AGPAT4: variants seen among roughly 807,000 people sequenced by gnomAD.
AGPAT4 encodes 1-acylglycerol-3-phosphate O-acyltransferase 4.
AGPAT4 carries 15 observed loss-of-function variants against 48.0 expected under a neutral mutation model. That is an observed-to-expected ratio of 0.31 (90% CI 0.21 to 0.48). The LOEUF is 0.48. Ranked by LOEUF, AGPAT4 falls within the 20% of genes least tolerant of loss-of-function variation. AGPAT4 has a pLI of 0.99. For synonymous variants in AGPAT4, 178 were observed against 198.7 expected, an observed-to-expected ratio of 0.90 and a Z score of 0.88; for missense variants, 314 against 482.5, an observed-to-expected ratio of 0.65 and a Z score of 3.27.
Position 161,218,177 on chromosome 6 carries a change from G to A in AGPAT4, c.178+13859C>T, listed in dbSNP as rs1781708755. Among the ~76,000 whole-genome samples the A allele has an allele frequency of 6.6e-6, 1 of 152,190 alleles. No individual in the cohort carries two copies. The highest frequency in any genetic ancestry group is 2.1e-4 in the South Asian group (1 of 4,832). ...GCTCTCTACCCCCGTCCACAGTGAC[G>A]GTGCCAATGGTGCTGTGCTGGAAAA... On this transcript the variant is annotated intron_variant, in intron 2 of 8. Transcript: ENST00000320285. The surrounding 1 kb of genome is among the most constrained non-coding windows in gnomAD (Gnocchi z 4.7).
chr6:161,242,037 A>G lies in AGPAT4; in HGVS notation c.-89-9735T>C, dbSNP rs919292864. Reference sequence around the variant, plus strand: ...CGTGAGCCACAGCACCTGGCCAAAAATGTTTACAGTTAAACATCATAGGGC... The same window carrying G: ...CGTGAGCCACAGCACCTGGCCAAAAGTGTTTACAGTTAAACATCATAGGGC... On this transcript the variant is annotated intron_variant, in intron 1 of 8. Coordinates refer to ENST00000320285, the MANE Select transcript of AGPAT4 (RefSeq NM_020133.3). This position sits in a 1 kb window ranked among gnomAD's most constrained non-coding sequence, Gnocchi z 5.0. 1.3e-5 allele frequency among the ~76,000 whole-genome samples: 2 copies of G among 152,216 alleles called. No homozygotes were observed. The highest frequency in any genetic ancestry group is 2.9e-5 in the Non-Finnish European group (2 of 68,044).
In AGPAT4 at chr6:161,143,423, A is replaced by G. The variant is rs1426942452; in HGVS notation, c.843+3101T>C. Reference sequence around the variant, plus strand: ...AATTTGCACTATTAATGGCCAAGTTATAGTCCCTTCTGCAAATGTCAAATT... The same window carrying G: ...AATTTGCACTATTAATGGCCAAGTTGTAGTCCCTTCTGCAAATGTCAAATT... On this transcript the variant is annotated intron_variant, in intron 7 of 8. Transcript: ENST00000320285. The surrounding 1 kb of genome is among the most constrained non-coding windows in gnomAD (Gnocchi z 4.7). Among the ~76,000 whole-genome samples, 1 of 152,220 alleles carries G rather than the reference A, an allele frequency of 6.6e-6. No homozygotes were observed. Among genetic ancestry groups the G allele is most frequent in the Non-Finnish European group, 1.5e-5 (1 of 68,052 alleles).
intron 1 of AGPAT4, among the ~76,000 whole-genome samples, chr6:161,268,400 T>C (rs1783326781): frequency 6.6e-6 from 1 of 152,180 alleles, no homozygotes; most frequent in African/African-American, 2.4e-5. Flanking sequence ...GTTACATAGG[T>C]ATGCGTGTGC....
Position 161,145,456 on chromosome 6 carries a change from G to A in AGPAT4, c.843+1068C>T, listed in dbSNP as rs960321749. Reference sequence around the variant, plus strand: ...CAGTGATGGTATAAAGGCATCATCAGGGAAAAAAGGTATCAGGATCTTGAT... The same window carrying A: ...CAGTGATGGTATAAAGGCATCATCAAGGAAAAAAGGTATCAGGATCTTGAT... On this transcript the variant is annotated intron_variant, in intron 7 of 8. Transcript: ENST00000320285. 1.8e-4 allele frequency among the ~76,000 whole-genome samples: 28 copies of A among 151,574 alleles called. No homozygotes were observed. The South Asian group carries it at 4.8e-3, about 26-fold the overall frequency.
intron 3 of AGPAT4, among the ~76,000 whole-genome samples, chr6:161,162,849 G>A (rs957345243): frequency 6.6e-6 from 1 of 152,234 alleles, no homozygotes; most frequent in African/African-American, 2.4e-5. Context: ...ACCTGCTAAG[G>A]GAAAAAGATA....
rs371055419 is a variant in AGPAT4 at position 161,245,699 on chromosome 6, C to G, written c.-89-13397G>C. Among the ~76,000 whole-genome samples, 1 of 152,130 alleles carries G rather than the reference C, an allele frequency of 6.6e-6. No homozygotes were observed. Among genetic ancestry groups the G allele is most frequent in the South Asian group, 2.1e-4 (1 of 4,822 alleles). On this transcript the variant is annotated intron_variant, in intron 1 of 8. Transcript: ENST00000320285. This position sits in a 1 kb window ranked among gnomAD's most constrained non-coding sequence, Gnocchi z 5.2. ...GCCCCTCCCTCTCCTACTCACTGTC[C>G]GTGAAGTGCCCTCAATCCTTGAGTT...
Position 161,197,542 on chromosome 6 carries a change from G to T in AGPAT4, c.179-31125C>A, listed in dbSNP as rs1374555512. Among the ~76,000 whole-genome samples, 1 of 152,146 alleles carries T rather than the reference G, an allele frequency of 6.6e-6. No homozygotes were observed. The highest frequency in any genetic ancestry group is 1.5e-5 in the Non-Finnish European group (1 of 68,036). On this transcript the variant is annotated intron_variant, in intron 2 of 8. Transcript: ENST00000320285. The surrounding 1 kb of genome is among the most constrained non-coding windows in gnomAD (Gnocchi z 5.7). The stretch of plus-strand genomic sequence containing the variant: ...TCTCTCCTCCTGCCTCAGCCCTCTA[G>T]GAATGTACCGACTGATGTACGCATT...
rs371509445 is a variant in AGPAT4 at position 161,139,409 on chromosome 6, G to A, written c.1042+13C>T. On this transcript the variant is annotated intron_variant, in intron 8 of 8. Transcript: ENST00000320285. The surrounding 1 kb of genome is among the most constrained non-coding windows in gnomAD (Gnocchi z 9.1). ...TGCTGTCAGCACCCACCAGCCCCTT[G>A]CCCTCCACTCACCCACAAAGAAGAC... is the stretch of plus-strand genomic sequence containing the variant. The A allele has an allele frequency of 9.7e-5, 157 of 1,613,330 alleles. No homozygotes were observed. Among genetic ancestry groups the A allele is most frequent in the Non-Finnish European group, 1.3e-4 (150 of 1,179,504 alleles).
At chr6:161,176,209 T>C (rs1780422354) in intron 2 of AGPAT4, among the ~76,000 whole-genome samples, 2 of 152,196 alleles carry the variant, frequency 1.3e-5, no homozygotes, top group Admixed American at 1.3e-4. Context: ...TTCTGTCTCA[T>C]TGATCTGTCT....
At position 161,186,870 on chromosome 6, in the gene AGPAT4, G is replaced by A. The variant is rs1780784309; in HGVS notation, c.179-20453C>T. The stretch of plus-strand genomic sequence containing the variant: ...CCCAAAAGACCATTCCTTTCTAAAG[G>A]ATGTCCAGCCTTTTCTGTTTTCCAA... On this transcript the variant is annotated intron_variant, in intron 2 of 8. Coordinates refer to ENST00000320285, the MANE Select transcript of AGPAT4 (RefSeq NM_020133.3). Among the ~76,000 whole-genome samples, 5 of 152,202 alleles carry A rather than the reference G, an allele frequency of 3.3e-5. No individual in the cohort carries two copies. The South Asian group carries it at 1.0e-3, about 32-fold the overall frequency.
intron 1 of AGPAT4, among the ~76,000 whole-genome samples, chr6:161,268,563 T>A (rs1478481399): frequency 1.3e-5 from 2 of 152,182 alleles, no homozygotes; most frequent in Non-Finnish European, 2.9e-5. Flanking sequence ...GCACCTCTCG[T>A]CTTGGAGGAT....
At position 161,215,964 on chromosome 6, in the gene AGPAT4, C is replaced by T. The variant is rs555015356; in HGVS notation, c.178+16072G>A. Among the ~76,000 whole-genome samples the T allele has an allele frequency of 2.3e-3, 348 of 152,346 alleles. 1 individual carries two copies. Among genetic ancestry groups the T allele is most frequent in the Non-Finnish European group, 3.3e-3 (224 of 68,040 alleles). On this transcript the variant is annotated intron_variant, in intron 2 of 8. Transcript: ENST00000320285. The surrounding 1 kb of genome is among the most constrained non-coding windows in gnomAD (Gnocchi z 4.5). ...CTGCCATGAAGGGCTATCAAACCTC[C>T]TCTGCCCCTAGAGCTGGAAAGCTGT... is the stretch of plus-strand genomic sequence containing the variant.
chr6:161,181,785 C>G (rs1323216699), intron 2 of AGPAT4, among the ~76,000 whole-genome samples: 1 of 152,066 alleles, frequency 6.6e-6, no homozygotes, highest in Non-Finnish European at 1.5e-5. Context: ...AGATGGCGCT[C>G]AGGCTAGAAG....
chr6:161,224,356 G>T (rs993516141), intron 2 of AGPAT4, among the ~76,000 whole-genome samples: 2 of 152,108 alleles, frequency 1.3e-5, no homozygotes, highest in Non-Finnish European at 2.9e-5. Flanking sequence ...TAGAAAACCA[G>T]ACTGCAGCCA....
rs1443329184 is a variant in AGPAT4, at chr6:161,240,117, T to C, written c.-89-7815A>G. On this transcript the variant is annotated intron_variant, in intron 1 of 8. Transcript: ENST00000320285. The surrounding 1 kb of genome is among the most constrained non-coding windows in gnomAD (Gnocchi z 5.5). ...GATACATTTTCATTATGATATTAAG[T>C]GACAGGATACAAAATCATGTGGAGA... is the stretch of plus-strand genomic sequence containing the variant. Among the ~76,000 whole-genome samples, 2 of 151,400 alleles carry C rather than the reference T, an allele frequency of 1.3e-5. No homozygotes were observed. Among genetic ancestry groups the C allele is most frequent in the Non-Finnish European group, 1.5e-5 (1 of 67,942 alleles).
At position 161,184,264 on chromosome 6, in the gene AGPAT4, T is replaced by C. The variant is rs138101344; in HGVS notation, c.179-17847A>G. On this transcript the variant is annotated intron_variant, in intron 2 of 8. Transcript: ENST00000320285. This position sits in a 1 kb window ranked among gnomAD's most constrained non-coding sequence, Gnocchi z 4.8. Reference sequence around the variant, plus strand: ...GCATAGTGGAAATGGTGAGAAATGATCATATTTAGGATGATATATGCTACA... The same window carrying C: ...GCATAGTGGAAATGGTGAGAAATGACCATATTTAGGATGATATATGCTACA... Among the ~76,000 whole-genome samples, 1 of 151,862 alleles carries C rather than the reference T, an allele frequency of 6.6e-6. No homozygotes were observed. The highest frequency in any genetic ancestry group is 1.5e-5 in the Non-Finnish European group (1 of 67,912).
At position 161,161,604 on chromosome 6, in the gene AGPAT4, C is replaced by T. The variant is rs765233114; in HGVS notation, c.348+4644G>A. 24 of 402,244 alleles carry T rather than the reference C, an allele frequency of 6.0e-5. No homozygotes were observed. The highest frequency in any genetic ancestry group is 1.5e-4 in the East Asian group (2 of 13,762). The allele number at this position is 402,244 out of a possible 1,614,324, so 24.9% of individuals were successfully genotyped here. On this transcript the variant is annotated intron_variant, in intron 3 of 8. Coordinates refer to ENST00000320285, the MANE Select transcript of AGPAT4 (RefSeq NM_020133.3). The surrounding 1 kb of genome is among the most constrained non-coding windows in gnomAD (Gnocchi z 4.6). ...CCCTACAGAGCTGACAAAACCATGGCGGTGGGCATATCTGCTGAAAATACC... is the reference window on the plus strand; with the variant it reads ...CCCTACAGAGCTGACAAAACCATGGTGGTGGGCATATCTGCTGAAAATACC...
At chr6:161,170,345 C>CA (rs2114983138) in intron 2 of AGPAT4, among the ~76,000 whole-genome samples, 1 of 152,266 alleles carries the variant, frequency 6.6e-6, no homozygotes, top group Non-Finnish European at 1.5e-5. Flanking sequence ...GACCGAGAGA[C>CA]ACTTCCTCTT....
At chr6:161,207,496 G>C (rs1161379358) in intron 2 of AGPAT4, among the ~76,000 whole-genome samples, 2 of 152,188 alleles carry the variant, frequency 1.3e-5, no homozygotes, top group African/African-American at 4.8e-5. Context: ...TGTAGTGCAA[G>C]GAATTTATGC....
Sources: gnomAD v4.1 joint callset for allele counts (sites outside exome capture counted in the v4.1 genomes callset) on GRCh38, gnomAD v4.1.1 for gene constraint, Gnocchi (gnomAD v3.1) non-coding constraint, MANE v1.5 for transcripts, NCBI Gene and HGNC (gene_info 2026-07-23, HGNC 2026-07-21) for gene names.